SYTL2: variants seen among roughly 807,000 people sequenced by gnomAD.
SYTL2 encodes synaptotagmin like 2, also known as synaptotagmin-like protein 2.
SYTL2 carries 165 observed loss-of-function variants against 198.7 expected under a neutral mutation model. The observed-to-expected ratio is 0.83, with a 90% CI of 0.73 to 0.94. The LOEUF is 0.94. Among genes scored for constraint, SYTL2 ranks in the 40% least tolerant of loss-of-function variants. The pLI is 0.00. For missense variants in SYTL2, 2,835 were observed against 2,582.8 expected, an observed-to-expected ratio of 1.10 and a Z score of -2.12; for synonymous variants, 966 against 917.7, an observed-to-expected ratio of 1.05 and a Z score of -0.95.
At chr11:85,747,140 A>G (rs981087220) in intron 3 of SYTL2, among the ~76,000 whole-genome samples, 1 of 152,234 alleles carries the variant, frequency 6.6e-6, no homozygotes, top group East Asian at 1.9e-4. Flanking sequence ...TGAACTTGAT[A>G]GAATTTTAAA....
chr11:85,791,975 C>G (rs937536458), intron 1 of SYTL2, among the ~76,000 whole-genome samples: 1 of 152,058 alleles, frequency 6.6e-6, no homozygotes, highest in Admixed American at 6.5e-5. Flanking sequence ...ATGAGCTGAC[C>G]ATCTAGCTGA....
chr11:85,797,736 T>G (rs2153639642), intron 1 of SYTL2, among the ~76,000 whole-genome samples: 1 of 152,274 alleles, frequency 6.6e-6, no homozygotes, highest in South Asian at 2.1e-4. Context: ...AAGAAGTCTG[T>G]GTTTATACAC....
intron 16 of SYTL2, among the ~76,000 whole-genome samples, chr11:85,702,000 T>G (rs1190263111): frequency 6.6e-6 from 1 of 152,106 alleles, no homozygotes; most frequent in African/African-American, 2.4e-5. Flanking sequence ...CTTTTAGCAG[T>G]TTCATGAGGC....
At chr11:85,811,250 C>T (rs1234119694), upstream of SYTL2, 1 of 151,466 alleles carries the variant, frequency 6.6e-6, no homozygotes, top group African/African-American at 2.4e-5. Flanking sequence ...TCGCCCGCTC[C>T]CCGCCCCGGC....
At chr11:85,738,553 T>G (rs2090536123) in intron 4 of SYTL2, among the ~76,000 whole-genome samples, 1 of 152,048 alleles carries the variant, frequency 6.6e-6, no homozygotes, top group Non-Finnish European at 1.5e-5. Context: ...TGCACAAACT[T>G]GAATCAAGCT....
chr11:85,745,686 C>T lies in SYTL2; in HGVS notation c.340G>A (p.Ala114Thr). The T allele has an allele frequency of 6.2e-7, 1 of 1,613,898 alleles. No homozygotes were observed. Among genetic ancestry groups the T allele is most frequent in the Non-Finnish European group, 8.5e-7 (1 of 1,179,790 alleles). ...TCTTCTGGCTCTTCTACAACGCCAG[C>T]CAGCTCTGGAGGAAGGAAAGCATCT... Reference protein sequence around the residue: ...NKDAFLPPELAGVVEEPEEDA... With the variant: ...NKDAFLPPELTGVVEEPEEDA... The change falls in exon 4 of 20, where the codon GCT (alanine) becomes ACT (threonine). Residue 114 changes from alanine to threonine, a missense_variant. Transcript: ENST00000359152.
At chr11:85,710,994 GA>G in intron 13 of SYTL2, 118 bp downstream of exon 13, 2 of 1,111,344 alleles carry the variant, frequency 1.8e-6, no homozygotes, top group Non-Finnish European at 2.5e-6. Flanking sequence ...TTATGGATTA[GA>G]GAAACTGTTT....
intron 3 of SYTL2, among the ~76,000 whole-genome samples, 200 bp from the exon 4 acceptor site, chr11:85,745,972 A>T (rs1187498150): frequency 6.6e-6 from 1 of 152,096 alleles, no homozygotes; most frequent in Non-Finnish European, 1.5e-5. Context: ...AGATTTCCCC[A>T]AGCAGAGTCT....
intron 2 of SYTL2, among the ~76,000 whole-genome samples, chr11:85,756,293 G>T (rs1343587713): frequency 6.6e-6 from 1 of 152,188 alleles, no homozygotes; most frequent in Non-Finnish European, 1.5e-5. Flanking sequence ...CCATCCAGGT[G>T]TGCATTGCAA....
At chr11:85,721,918 A>G (rs117044591) in intron 8 of SYTL2, among the ~76,000 whole-genome samples, 3,616 of 152,196 alleles carry the variant, frequency 0.024, 122 homozygotes, top group Non-Finnish European at 0.026. Context: ...AATTTTTCCC[A>G]AAGGAGCATA....
intron 1 of SYTL2, among the ~76,000 whole-genome samples, chr11:85,805,015 G>A (rs2092939616): frequency 6.6e-6 from 1 of 152,162 alleles, no homozygotes; most frequent in African/African-American, 2.4e-5. Flanking sequence ...ATTAAATACA[G>A]GACCTCATTT....
intron 1 of SYTL2, among the ~76,000 whole-genome samples, chr11:85,786,875 T>C (rs1473913275): frequency 6.6e-6 from 1 of 152,246 alleles, no homozygotes; most frequent in Non-Finnish European, 1.5e-5. Context: ...TGAGAGCCCA[T>C]GTTTTATACC....
At position 85,726,099 on chromosome 11, in the gene SYTL2, A is replaced by G. The variant is rs2089134745; in HGVS notation, c.3259T>C (p.Ser1087Pro). ...GTATTCTTTTCCACATTTTCCTTTGATGACTCATTTCCTGGCAACTGATAA... is the reference window on the plus strand; with the variant it reads ...GTATTCTTTTCCACATTTTCCTTTGGTGACTCATTTCCTGGCAACTGATAA... ...YTYQLPGNES[S>P]KENVEKNTEG... The change falls in exon 8 of 20, where the codon TCA becomes CCA. Residue 1087 changes from serine (S) to proline (P), a missense_variant. Coordinates refer to ENST00000359152, the MANE Select transcript of SYTL2 (RefSeq NM_206927.4). 10 of 1,613,696 alleles carry G rather than the reference A, an allele frequency of 6.2e-6. 1 individual carries two copies. Among genetic ancestry groups the G allele is most frequent in the Non-Finnish European group, 8.5e-6 (10 of 1,179,916 alleles).
chr11:85,837,673 G>C, the SYTL2 span, among the ~76,000 whole-genome samples: 1 of 152,114 alleles, frequency 6.6e-6, no homozygotes, highest in Non-Finnish European at 1.5e-5. Context: ...CAGGGTCTCT[G>C]GCTACTGCTA....
chr11:85,849,038 G>C, the SYTL2 span, among the ~76,000 whole-genome samples: 3 of 152,208 alleles, frequency 2.0e-5, no homozygotes, highest in Non-Finnish European at 4.4e-5. Flanking sequence ...TAAACAGTGA[G>C]ACACCATCCC....
chr11:85,723,825 T>G (rs957120921), intron 8 of SYTL2, among the ~76,000 whole-genome samples: 1 of 149,508 alleles, frequency 6.7e-6, no homozygotes, highest in African/African-American at 2.5e-5. Flanking sequence ...AAGAAGAATT[T>G]AACATCATTT....
At chr11:85,783,565 A>G (rs1469077361) in intron 1 of SYTL2, among the ~76,000 whole-genome samples, 1 of 152,242 alleles carries the variant, frequency 6.6e-6, no homozygotes, top group Non-Finnish European at 1.5e-5. Context: ...AATAAAAACA[A>G]TAAGACTATC....
intron 18 of SYTL2, 115 bp downstream of exon 18, chr11:85,697,864 G>A (rs2083632677): frequency 6.2e-6 from 4 of 640,728 alleles, no homozygotes; most frequent in Non-Finnish European, 8.1e-6. Flanking sequence ...ATTATCCCAA[G>A]TAAATTCATT....
rs1360560545 is a variant in SYTL2 at position 85,726,655 on chromosome 11, A to G, written c.2703T>C (p.Ser901=). ...YLSAEQSDKV[S]LFQNKKNEPI... Reference sequence around the variant, plus strand: ...GCTCATTTTTCTTATTCTGAAACAGAGACACTTTATCTGATTGCTCAGCTG... The same window carrying G: ...GCTCATTTTTCTTATTCTGAAACAGGGACACTTTATCTGATTGCTCAGCTG... Residue 901 remains serine (S), a synonymous_variant, in exon 8 of 20, where the codon TCT becomes TCC. Transcript: ENST00000359152. 3 of 1,536,988 alleles carry G rather than the reference A, an allele frequency of 2.0e-6. No homozygotes were observed. The highest frequency in any genetic ancestry group is 1.7e-6 in the Non-Finnish European group (2 of 1,147,132).
Sources: allele counts gnomAD v4.1 joint callset (sites outside exome capture counted in the v4.1 genomes callset), GRCh38; gene constraint gnomAD v4.1.1; transcripts MANE v1.5; gene names NCBI Gene and HGNC (gene_info 2026-07-23, HGNC 2026-07-21).